The following USP10 variants were observed in gnomAD, a reference collection of about 807,000 sequenced individuals.
The protein encoded by USP10 is ubiquitin carboxyl-terminal hydrolase 10.
Under a neutral mutation model 84.5 loss-of-function variants are expected in USP10, and 22 were observed. The observed-to-expected ratio is 0.26, with a 90% CI of 0.19 to 0.37. The LOEUF (loss-of-function observed/expected upper bound fraction) is 0.37. USP10 is among the 10% of genes least tolerant of loss of function. The pLI, the probability that USP10 is intolerant of heterozygous loss-of-function variation, is 1.00. For synonymous variants in USP10, 454 were observed against 387.6 expected (o/e 1.17, Z -2.01); for missense variants, 1,019 against 998.9 (o/e 1.02, Z -0.27).
chr16:84,768,091 A>G lies in USP10; in HGVS notation c.1833-102A>G, dbSNP rs994963920. The G allele has an allele frequency of 3.1e-6, 4 of 1,293,874 alleles. No homozygotes were observed. In the African/African-American group the frequency reaches 6.0e-5, roughly 19 times the overall value. The allele number at this position is 1,293,874 out of a possible 1,614,324, so 80.1% of individuals were successfully genotyped here. A position where few individuals can be genotyped will look rare whatever the true frequency, so the allele number is the denominator to read the frequency against. On this transcript the variant is annotated intron_variant, in intron 10 of 13. Transcript: ENST00000219473. ...TTCTCTGTGGTCTTTTGAAAGTGAT[A>G]TTGAATAATCTTATTTTCAGTGTTT...
chr16:84,725,722 A>C (rs983366485), intron 1 of USP10, among the ~76,000 whole-genome samples: 3 of 152,116 alleles, frequency 2.0e-5, no homozygotes, highest in African/African-American at 4.8e-5. Flanking sequence ...GACATTTTCA[A>C]ACCCGTGTTT....
chr16:84,714,958 CTT>C (rs1221550385), intron 1 of USP10, among the ~76,000 whole-genome samples: 11 of 144,864 alleles, frequency 7.6e-5, no homozygotes, highest in African/African-American at 2.3e-4. Context: ...GAGATGGAGT[CTT>C]GCTCTGTCGC....
chr16:84,724,038 C>A (rs1360855245), intron 1 of USP10, among the ~76,000 whole-genome samples: 1 of 152,184 alleles, frequency 6.6e-6, no homozygotes, highest in African/African-American at 2.4e-5. Flanking sequence ...TCTACTAGGG[C>A]TATCCCAGAT....
chr16:84,767,758 T>G lies in USP10; in HGVS notation c.1833-435T>G, dbSNP rs1914016518. Among the ~76,000 whole-genome samples, 3 of 152,118 alleles carry G rather than the reference T, an allele frequency of 2.0e-5. 1 individual carries two copies. The highest frequency in any genetic ancestry group is 2.0e-4 in the Admixed American group (3 of 15,278). ...TGTTAGAAATACTAAGGAGGTGCTATTCAGCAGAATTATTATTATTTTTTT... is the reference window on the plus strand; with the variant it reads ...TGTTAGAAATACTAAGGAGGTGCTAGTCAGCAGAATTATTATTATTTTTTT... On this transcript the variant is annotated intron_variant, in intron 10 of 13. Coordinates refer to ENST00000219473, the MANE Select transcript of USP10 (RefSeq NM_005153.3).
At chr16:84,749,056 G>A (rs1911588530) in intron 4 of USP10, among the ~76,000 whole-genome samples, 1 of 152,148 alleles carries the variant, frequency 6.6e-6, no homozygotes, top group African/African-American at 2.4e-5. Flanking sequence ...ACAGAACGTA[G>A]TTGTTGACAG....
At chr16:84,738,571 G>A (rs1910227035) in intron 2 of USP10, among the ~76,000 whole-genome samples, 1 of 152,168 alleles carries the variant, frequency 6.6e-6, no homozygotes, top group Non-Finnish European at 1.5e-5. Context: ...AATGGTCTTT[G>A]CCTTGCGGGT....
intron 11 of USP10, among the ~76,000 whole-genome samples, chr16:84,772,317 C>T (rs979184255): frequency 1.3e-5 from 2 of 152,154 alleles, no homozygotes; most frequent in Non-Finnish European, 2.9e-5. Flanking sequence ...TCCCAAAGTG[C>T]TGGGATTAAT....
intron 9 of USP10, 96 bp downstream of exon 9, chr16:84,763,184 C>A (rs1366268911): frequency 3.1e-6 from 2 of 649,492 alleles, no homozygotes; most frequent in South Asian, 2.5e-5. Context: ...GCCCCTCAGT[C>A]GTTTTCCTTT....
Position 84,701,934 on chromosome 16 carries a change from C to CTTTTTT in USP10, c.21+1825_21+1826insTTTTTT, listed in dbSNP as rs749796171. Among the ~76,000 whole-genome samples, 9 of 92,694 alleles carry CTTTTTT rather than the reference C, an allele frequency of 9.7e-5. 2 individuals carry two copies. Among genetic ancestry groups the CTTTTTT allele is most frequent in the African/African-American group, 8.9e-5 (2 of 22,384 alleles). The allele number at this position is 92,694 out of a possible 152,430, so 60.8% of individuals were successfully genotyped here. On this transcript the variant is annotated intron_variant, in intron 1 of 13. Coordinates refer to ENST00000219473, the MANE Select transcript of USP10 (RefSeq NM_005153.3). ...TAGTTTGATTTCTCATAATTTTCTTCTTCTTTTTTTTTTTTTTTTTGAGTT... is the reference window on the plus strand; with the variant it reads ...TAGTTTGATTTCTCATAATTTTCTTCTTTTTTTTCTTTTTTTTTTTTTTTTTGAGTT...
At chr16:84,751,415 T>C (rs1242272162) in intron 4 of USP10, among the ~76,000 whole-genome samples, 1 of 152,226 alleles carries the variant, frequency 6.6e-6, no homozygotes, top group Non-Finnish European at 1.5e-5. Flanking sequence ...TATTTTGCAC[T>C]TCCTCTTCAA....
intron 3 of USP10, among the ~76,000 whole-genome samples, chr16:84,741,487 C>T (rs1021159861): frequency 1.3e-5 from 2 of 152,230 alleles, no homozygotes; most frequent in East Asian, 1.9e-4. Flanking sequence ...TACAAATGCC[C>T]CATGATGTTC....
chr16:84,766,631 G>A (rs1016161371), intron 10 of USP10, among the ~76,000 whole-genome samples: 1 of 152,204 alleles, frequency 6.6e-6, no homozygotes, highest in Non-Finnish European at 1.5e-5. Flanking sequence ...CAGAGGGTCA[G>A]CATACTCAAA....
intron 4 of USP10, among the ~76,000 whole-genome samples, chr16:84,750,541 C>T (rs1028595137): frequency 6.6e-6 from 1 of 152,106 alleles, no homozygotes; most frequent in Non-Finnish European, 1.5e-5. Flanking sequence ...AGCACAGATA[C>T]TTTGGAGTTG....
intron 1 of USP10, among the ~76,000 whole-genome samples, chr16:84,719,533 C>G (rs972472179): frequency 6.6e-6 from 1 of 152,190 alleles, no homozygotes; most frequent in South Asian, 2.1e-4. Context: ...TGGCCAGGTT[C>G]GAGGACTGTT....
intron 1 of USP10, among the ~76,000 whole-genome samples, chr16:84,714,761 T>C (rs192408124): frequency 6.6e-6 from 1 of 152,028 alleles, no homozygotes; most frequent in African/African-American, 2.4e-5. Flanking sequence ...ATTCATTGAT[T>C]ATTTTTGGGG....
In USP10 at chr16:84,764,399, C is replaced by G. The variant is rs1031481866; in HGVS notation, c.1832+136C>G. 48 of 1,173,724 alleles carry G rather than the reference C, an allele frequency of 4.1e-5. No homozygotes were observed. The Middle Eastern group carries it at 1.4e-3, about 33-fold the overall frequency. The allele number at this position is 1,173,724 out of a possible 1,614,324, so 72.7% of individuals were successfully genotyped here. On this transcript the variant is annotated intron_variant, in intron 10 of 13. Transcript: ENST00000219473. Reference sequence around the variant, plus strand: ...GCATCTTGCTCCCCTGCCTGCTCTTCTCTTGCACTTCCTGATGCTTCCCTT... The same window carrying G: ...GCATCTTGCTCCCCTGCCTGCTCTTGTCTTGCACTTCCTGATGCTTCCCTT...
At chr16:84,761,091 T>G (rs1263511388) in intron 8 of USP10, among the ~76,000 whole-genome samples, 1 of 152,204 alleles carries the variant, frequency 6.6e-6, no homozygotes, top group South Asian at 2.1e-4. Flanking sequence ...GCTTGGAATT[T>G]GCACTTCCCA....
At chr16:84,728,501 G>A (rs963841572) in intron 1 of USP10, among the ~76,000 whole-genome samples, 1 of 151,826 alleles carries the variant, frequency 6.6e-6, no homozygotes, top group Non-Finnish European at 1.5e-5. Context: ...CACCACGCCC[G>A]GCTAATTTTT....
At chr16:84,729,720 C>T (rs533345824) in intron 1 of USP10, among the ~76,000 whole-genome samples, 2 of 152,244 alleles carry the variant, frequency 1.3e-5, no homozygotes, top group East Asian at 1.9e-4. Context: ...AAAGCTCATG[C>T]ATTTAAGGAT....
Sources: allele counts gnomAD v4.1 joint callset (sites outside exome capture counted in the v4.1 genomes callset), GRCh38; gene constraint gnomAD v4.1.1; transcripts MANE v1.5; gene names NCBI Gene and HGNC (gene_info 2026-07-23, HGNC 2026-07-21).